Variants in HS3ST4 observed in about 807,000 individuals in gnomAD.
The protein encoded by HS3ST4 is heparan sulfate glucosamine 3-O-sulfotransferase 4.
Under a neutral mutation model 29.2 loss-of-function variants are expected in HS3ST4, and 17 were observed. The ratio of observed to expected loss-of-function variants is 0.58; its 90% CI spans 0.40 to 0.87. HS3ST4 has a LOEUF of 0.87. Ranked by LOEUF, HS3ST4 falls within the 40% of genes least tolerant of loss-of-function variation. The pLI is 0.00. For missense variants in HS3ST4, 627 were observed against 634.5 expected, an observed-to-expected ratio of 0.99 and a Z score of 0.13; for synonymous variants, 314 against 285.7, an observed-to-expected ratio of 1.10 and a Z score of -1.00.
intron 1 of HS3ST4, among the ~76,000 whole-genome samples, chr16:26,064,098 G>A (rs902971126): frequency 1.3e-5 from 2 of 152,018 alleles, no homozygotes; most frequent in South Asian, 2.1e-4. Flanking sequence ...TAGTGTCCAC[G>A]TATGTGCTGT....
chr16:25,718,294 T>C (rs1444620902), intron 1 of HS3ST4, among the ~76,000 whole-genome samples: 3 of 152,190 alleles, frequency 2.0e-5, no homozygotes, highest in African/African-American at 7.2e-5. Context: ...ACAGTGTTGA[T>C]GCAGGCAGTG....
At chr16:25,822,885 G>C (rs2141634478) in intron 1 of HS3ST4, among the ~76,000 whole-genome samples, 1 of 152,112 alleles carries the variant, frequency 6.6e-6, no homozygotes, top group African/African-American at 2.4e-5. Context: ...CTACAGGCGT[G>C]CACCACCACC....
chr16:25,753,885 A>G (rs1188593796), intron 1 of HS3ST4, among the ~76,000 whole-genome samples: 1 of 152,200 alleles, frequency 6.6e-6, no homozygotes, highest in Non-Finnish European at 1.5e-5. Context: ...AATGTGTCTG[A>G]CACAACGGTA....
At chr16:26,025,238 G>T (rs1284632230) in intron 1 of HS3ST4, 1 of 154,632 alleles carries the variant, frequency 6.5e-6, no homozygotes, top group African/African-American at 2.4e-5. Context: ...GCCTAGTTAG[G>T]TTGGTGCAAA....
At chr16:25,957,697 G>T (rs1308002321) in intron 1 of HS3ST4, among the ~76,000 whole-genome samples, 3 of 152,142 alleles carry the variant, frequency 2.0e-5, no homozygotes, top group Admixed American at 6.5e-5. Context: ...GGCATTACAG[G>T]TGTAAGCCAC....
At chr16:25,989,963 A>G (rs942032276) in intron 1 of HS3ST4, among the ~76,000 whole-genome samples, 7 of 152,200 alleles carry the variant, frequency 4.6e-5, no homozygotes, top group African/African-American at 1.4e-4. Flanking sequence ...ATATGTAATG[A>G]TATATACCTG....
chr16:26,004,183 C>T (rs551687900), intron 1 of HS3ST4, among the ~76,000 whole-genome samples: 1 of 152,136 alleles, frequency 6.6e-6, no homozygotes, highest in South Asian at 2.1e-4. Context: ...TTGTTCTTGC[C>T]ATCCTGACAA....
At chr16:26,063,841 A>C (rs1898510233) in intron 1 of HS3ST4, among the ~76,000 whole-genome samples, 1 of 152,188 alleles carries the variant, frequency 6.6e-6, no homozygotes, top group Non-Finnish European at 1.5e-5. Flanking sequence ...GGGACACAGA[A>C]TGTTGTTTGG....
chr16:25,908,204 A>G (rs761772257), intron 1 of HS3ST4, among the ~76,000 whole-genome samples: 1 of 152,224 alleles, frequency 6.6e-6, no homozygotes, highest in Non-Finnish European at 1.5e-5. Context: ...CATCTGCCAC[A>G]GATGAGAACC....
chr16:26,005,867 T>C (rs1969253340), intron 1 of HS3ST4, among the ~76,000 whole-genome samples: 1 of 152,152 alleles, frequency 6.6e-6, no homozygotes, highest in Non-Finnish European at 1.5e-5. Flanking sequence ...CTGTCCATCG[T>C]AGGATATTTA....
chr16:26,072,265 G>C (rs750964353), intron 1 of HS3ST4, among the ~76,000 whole-genome samples: 1 of 152,154 alleles, frequency 6.6e-6, no homozygotes, highest in African/African-American at 2.4e-5. Flanking sequence ...TTCAGACTCC[G>C]TAGGATTCTA....
intron 1 of HS3ST4, among the ~76,000 whole-genome samples, chr16:26,001,980 G>A (rs1287685701): frequency 6.6e-6 from 1 of 152,100 alleles, no homozygotes; most frequent in Non-Finnish European, 1.5e-5. Flanking sequence ...ATGAGGGCCA[G>A]GGCAAGGAAA....
At chr16:25,925,583 G>A (rs1596615996) in intron 1 of HS3ST4, among the ~76,000 whole-genome samples, 1 of 152,176 alleles carries the variant, frequency 6.6e-6, no homozygotes, top group South Asian at 2.1e-4. Flanking sequence ...CAAAGAAGCT[G>A]CAAATCCCCT....
At chr16:26,124,535 A>T (rs1899317352) in intron 1 of HS3ST4, among the ~76,000 whole-genome samples, 1 of 152,232 alleles carries the variant, frequency 6.6e-6, no homozygotes, top group African/African-American at 2.4e-5. Context: ...GTACAAGAGA[A>T]CAATGTGGAA....
intron 1 of HS3ST4, among the ~76,000 whole-genome samples, chr16:25,903,100 T>C (rs1440261034): frequency 1.3e-5 from 2 of 151,400 alleles, no homozygotes; most frequent in African/African-American, 4.9e-5. Flanking sequence ...TAGTAAAACA[T>C]CCATACTGGC....
At chr16:25,796,031 T>C (rs72778982) in intron 1 of HS3ST4, among the ~76,000 whole-genome samples, 40 of 152,298 alleles carry the variant, frequency 2.6e-4, no homozygotes, top group Admixed American at 2.6e-4. Context: ...AAATTGGTGC[T>C]GTTGAATGCT....
At chr16:26,074,369 G>C (rs940926394) in intron 1 of HS3ST4, among the ~76,000 whole-genome samples, 1 of 152,192 alleles carries the variant, frequency 6.6e-6, no homozygotes, top group Non-Finnish European at 1.5e-5. Flanking sequence ...CAGGGACCTT[G>C]TGGCATGTTC....
rs527298013 is a variant in HS3ST4, at chr16:25,819,049, G to T, written c.734+125898G>T. ...TCAGGGAAACTGAGGCAGAAGAAAG[G>T]GAGTCAGAAGGGGATTACCCCGGGG... On this transcript the variant is annotated intron_variant, in intron 1 of 1. Transcript: ENST00000331351. Among the ~76,000 whole-genome samples, 9 of 152,238 alleles carry T rather than the reference G, an allele frequency of 5.9e-5. No homozygotes were observed. In the South Asian group the frequency reaches 1.2e-3, roughly 21 times the overall value.
chr16:25,698,506 A>T (rs1966314075), intron 1 of HS3ST4, among the ~76,000 whole-genome samples: 1 of 152,244 alleles, frequency 6.6e-6, no homozygotes, highest in Admixed American at 6.5e-5. Context: ...TTGGTTGAAT[A>T]ACTTATTTGA....
Sources: gnomAD v4.1 joint callset for allele counts (sites outside exome capture counted in the v4.1 genomes callset) on GRCh38, gnomAD v4.1.1 for gene constraint, MANE v1.5 for transcripts, NCBI Gene and HGNC (gene_info 2026-07-23, HGNC 2026-07-21) for gene names.